The following TRAK1 variants were observed in gnomAD, a reference collection of about 807,000 sequenced individuals.
TRAK1 encodes the protein trafficking kinesin protein 1.
In TRAK1, 33 loss-of-function variants were observed where a neutral mutation model predicts 92.1. The ratio of observed to expected loss-of-function variants is 0.36; its 90% CI spans 0.27 to 0.48. The LOEUF is 0.48. TRAK1 is among the 20% of genes least tolerant of loss of function. The probability of loss-of-function intolerance (pLI) is 0.99; values close to 1 mark genes in which losing one functional copy is unlikely to be tolerated. For missense variants in TRAK1, 1,123 were observed against 1,257.9 expected (o/e 0.89, Z 1.62); for synonymous variants, 521 against 517.3 (o/e 1.01, Z -0.10).
intron 1 of TRAK1, among the ~76,000 whole-genome samples, chr3:42,054,704 T>C (rs913141894): frequency 2.6e-5 from 4 of 152,280 alleles, no homozygotes; most frequent in African/African-American, 9.6e-5. Context: ...AGAAATTGTA[T>C]GTATGGTGAA....
At chr3:42,064,841 AG>A (rs1474917663) in intron 1 of TRAK1, among the ~76,000 whole-genome samples, 3 of 152,094 alleles carry the variant, frequency 2.0e-5, no homozygotes, top group African/African-American at 4.8e-5. Flanking sequence ...TCACGAGGTC[AG>A]GAGATCAAGA....
intron 9 of TRAK1, 25 bp from the exon 10 acceptor site, chr3:42,194,778 AC>A (rs1706348804): frequency 6.2e-7 from 1 of 1,611,232 alleles, no homozygotes; most frequent in East Asian, 2.2e-5. Context: ...GGAGATCCTG[AC>A]CCTCTGTGTC....
At chr3:42,079,959 CCTT>C (rs1206052495) in intron 1 of TRAK1, among the ~76,000 whole-genome samples, 1 of 152,118 alleles carries the variant, frequency 6.6e-6, no homozygotes, top group African/African-American at 2.4e-5. Context: ...GTGCACAAAT[CCTT>C]CTGCATTTCC....
At position 42,055,567 on chromosome 3, in the gene TRAK1, A is replaced by G. The variant is rs115653162; in HGVS notation, c.-518-31537A>G. Among the ~76,000 whole-genome samples, 584 of 152,270 alleles carry G rather than the reference A, an allele frequency of 3.8e-3. 2 individuals carry two copies. The highest frequency in any genetic ancestry group is 0.014 in the Middle Eastern group (4 of 294). On this transcript the variant is annotated intron_variant, in intron 1 of 16. Coordinates refer to the TRAK1 transcript ENST00000487159. ...AGCCTCGACCTCCTGGGCCCAGGCA[A>G]TCCTCCCATATCAGCTTCCTGAGTA...
chr3:42,205,297 A>G (rs1003592160), intron 13 of TRAK1, among the ~76,000 whole-genome samples: 2 of 152,072 alleles, frequency 1.3e-5, no homozygotes, highest in Non-Finnish European at 2.9e-5. Flanking sequence ...CTGAGAAGCT[A>G]GTAAGATTCC....
At chr3:42,072,621 G>C (rs1042159614) in intron 1 of TRAK1, among the ~76,000 whole-genome samples, 2 of 151,450 alleles carry the variant, frequency 1.3e-5, no homozygotes, top group African/African-American at 4.9e-5. Flanking sequence ...AGAAGGCAGC[G>C]TGGTTTGGGA....
intron 1 of TRAK1, among the ~76,000 whole-genome samples, chr3:42,122,621 C>T (rs1710035204): frequency 6.6e-6 from 1 of 152,152 alleles, no homozygotes; most frequent in African/African-American, 2.4e-5. Context: ...TGAGGTCTTT[C>T]CTAGAGATGA....
intron 1 of TRAK1, among the ~76,000 whole-genome samples, chr3:42,066,262 G>A (rs964761581): frequency 6.6e-6 from 1 of 152,176 alleles, no homozygotes; most frequent in African/African-American, 2.4e-5. Flanking sequence ...GGAGGCAAAG[G>A]TTACAGTGAG....
chr3:42,040,771 C>T (rs1178738086), intron 1 of TRAK1, among the ~76,000 whole-genome samples: 1 of 151,962 alleles, frequency 6.6e-6, no homozygotes, highest in African/African-American at 2.4e-5. Context: ...CTCCACCTCC[C>T]AGGTTCAAGC....
At chr3:42,055,556 G>A (rs748255117) in intron 1 of TRAK1, among the ~76,000 whole-genome samples, 2 of 152,144 alleles carry the variant, frequency 1.3e-5, no homozygotes, top group African/African-American at 2.4e-5. Flanking sequence ...TCGACCTCCT[G>A]GGCCCAGGCA....
chr3:42,163,428 G>T (rs1261312154), intron 2 of TRAK1, among the ~76,000 whole-genome samples: 1 of 152,138 alleles, frequency 6.6e-6, no homozygotes, highest in Non-Finnish European at 1.5e-5. Flanking sequence ...AATTAGCTGG[G>T]CATGGTGGCG....
chr3:42,189,046 C>G lies in TRAK1; in HGVS notation c.612C>G (p.Val204=). 1 of 1,614,076 alleles carries G rather than the reference C, an allele frequency of 6.2e-7. No individual in the cohort carries two copies. The highest frequency in any genetic ancestry group is 8.5e-7 in the Non-Finnish European group (1 of 1,179,940). The part of the protein sequence containing the change: ...PLKRNESSSS[V]QNYFHLDSLQ... Reference sequence around the variant, plus strand: ...AGAGGAATGAGTCGTCCTCCTCAGTCCAGAATTACTTTCATTTGGATTCTC... The same window carrying G: ...AGAGGAATGAGTCGTCCTCCTCAGTGCAGAATTACTTTCATTTGGATTCTC... The change falls in exon 6 of 16, where the codon GTC becomes GTG. Residue 204 remains valine, a synonymous_variant. Transcript: ENST00000327628.
intron 3 of TRAK1, among the ~76,000 whole-genome samples, chr3:42,182,824 G>T (rs911352768): frequency 6.6e-6 from 1 of 152,200 alleles, no homozygotes; most frequent in Non-Finnish European, 1.5e-5. Flanking sequence ...TAATTGGGTG[G>T]CTATCCAAGA....
chr3:42,041,427 G>T (rs923315448), intron 1 of TRAK1, among the ~76,000 whole-genome samples: 1 of 152,118 alleles, frequency 6.6e-6, no homozygotes, highest in Non-Finnish European at 1.5e-5. Context: ...TATTGCTAGT[G>T]TATAAAAATA....
chr3:42,220,758 C>T (rs1456448719), intron 15 of TRAK1, among the ~76,000 whole-genome samples: 2 of 152,168 alleles, frequency 1.3e-5, no homozygotes, highest in Non-Finnish European at 2.9e-5. Context: ...GCTAAACACC[C>T]CCAGTCAAGC....
At chr3:42,192,947 C>A in intron 7 of TRAK1, 128 bp from the exon 8 acceptor site, 1 of 1,356,560 alleles carries the variant, frequency 7.4e-7, no homozygotes, top group Non-Finnish European at 1.0e-6. Flanking sequence ...TTCCTGCACC[C>A]TCCCCACTCT....
intron 3 of TRAK1, among the ~76,000 whole-genome samples, chr3:42,182,213 T>TTC (rs1259057267): frequency 2.0e-5 from 3 of 152,078 alleles, no homozygotes; most frequent in Non-Finnish European, 4.4e-5. Context: ...GAGGGCCGTC[T>TTC]CCACATGTAC....
At chr3:42,219,296 C>T (rs1710070103) in intron 14 of TRAK1, 198 bp from the exon 15 acceptor site, 3 of 984,930 alleles carry the variant, frequency 3.0e-6, no homozygotes, top group East Asian at 1.1e-4. Context: ...TGGTGCTCTG[C>T]AGACCAGTGC....
At chr3:42,152,266 A>G (rs1317469596) in intron 2 of TRAK1, among the ~76,000 whole-genome samples, 1 of 152,208 alleles carries the variant, frequency 6.6e-6, no homozygotes, top group East Asian at 1.9e-4. Flanking sequence ...ATAATAAGAC[A>G]TGGGAGGGGT....
Sources: gnomAD v4.1 joint callset for allele counts (sites outside exome capture counted in the v4.1 genomes callset) on GRCh38, gnomAD v4.1.1 for gene constraint, MANE v1.5 for transcripts, NCBI Gene and HGNC (gene_info 2026-07-23, HGNC 2026-07-21) for gene names.